Variants in NUTM2B observed in about 807,000 individuals in gnomAD.
NUTM2B encodes the protein family with sequence similarity 22, member B.
Under a neutral mutation model 42.4 loss-of-function variants are expected in NUTM2B, and 2 were observed. The observed-to-expected ratio is 0.05, with a 90% CI of 0.02 to 0.15. The LOEUF is 0.15. Among genes scored for constraint, NUTM2B ranks in the 10% least tolerant of loss-of-function variants. The probability of loss-of-function intolerance (pLI) is 1.00; values close to 1 mark genes in which losing one functional copy is unlikely to be tolerated. For synonymous variants in NUTM2B, 18 were observed against 402.4 expected (o/e 0.04, Z 11.43); for missense variants, 58 against 952.6 (o/e 0.06, Z 12.36).
At chr10:79,694,634 C>T in the NUTM2B span, among the ~76,000 whole-genome samples, 2 of 152,058 alleles carry the variant, frequency 1.3e-5, no homozygotes, top group Non-Finnish European at 2.9e-5. Context: ...TGACCCCCAC[C>T]CCTGCCAGGC....
chr10:79,702,630 G>A (rs574254033), upstream of NUTM2B, among the ~76,000 whole-genome samples: 4,039 of 150,424 alleles, frequency 0.027, 293 homozygotes, highest in African/African-American at 0.095. Context: ...GTGTGCACCG[G>A]TCTGGCTGAA....
the NUTM2B span, among the ~76,000 whole-genome samples, chr10:79,698,215 C>A: frequency 2.7e-5 from 4 of 149,970 alleles, no homozygotes; most frequent in Non-Finnish European, 5.9e-5. Flanking sequence ...TATACGCACA[C>A]AACTTTCATA....
the NUTM2B span, among the ~76,000 whole-genome samples, chr10:79,693,714 T>A: frequency 1.8e-4 from 27 of 152,192 alleles, no homozygotes; most frequent in African/African-American, 4.8e-4. Context: ...TGCATTTTTT[T>A]AAGACATATA....
chr10:79,702,339 C>T (rs1840327080), upstream of NUTM2B, among the ~76,000 whole-genome samples: 1 of 151,618 alleles, frequency 6.6e-6, no homozygotes, highest in Admixed American at 6.6e-5. Flanking sequence ...AGACATTTCA[C>T]AGAAATGCTT....
chr10:79,705,828 CA>C lies in NUTM2B; in HGVS notation c.383-213del, dbSNP rs1027019525. On this transcript the variant is annotated intron_variant, in intron 1 of 6. Coordinates refer to ENST00000429828, the Ensembl canonical transcript of NUTM2B. ...GGCTTGGCTGTTACTTCTTGGGAGA[CA>C]GGGGTCAGGGAGTCTTGGTGACCGG... Among the ~76,000 whole-genome samples, 88 of 148,560 alleles carry C rather than the reference CA, an allele frequency of 5.9e-4. 1 individual carries two copies. Among genetic ancestry groups the C allele is most frequent in the Non-Finnish European group, 3.7e-4 (25 of 67,196 alleles).
At chr10:79,699,077 T>C (rs997853027), upstream of NUTM2B, among the ~76,000 whole-genome samples, 3 of 151,744 alleles carry the variant, frequency 2.0e-5, no homozygotes, top group African/African-American at 7.3e-5. Flanking sequence ...CACATTGAAA[T>C]AGCCATACAC....
At chr10:79,707,047 C>T (rs202035439) in intron 2 of NUTM2B, among the ~76,000 whole-genome samples, 1 of 120,684 alleles carries the variant, frequency 8.3e-6, no homozygotes, top group Admixed American at 8.7e-5. Flanking sequence ...ACGTGAGCTA[C>T]GGTTTGGGTT....
At chr10:79,695,246 T>C in the NUTM2B span, among the ~76,000 whole-genome samples, 1 of 152,180 alleles carries the variant, frequency 6.6e-6, no homozygotes, top group South Asian at 2.1e-4. Context: ...GAAGACTCCT[T>C]GTGAAGACTA....
upstream of NUTM2B, among the ~76,000 whole-genome samples, chr10:79,700,060 A>G (rs1425189224): frequency 3.3e-5 from 5 of 152,214 alleles, no homozygotes; most frequent in South Asian, 6.2e-4. Flanking sequence ...TAAATCCCAC[A>G]TAAGTAAGCG....
At chr10:79,705,704 G>A (rs2262022) in intron 1 of NUTM2B, among the ~76,000 whole-genome samples, 1 of 145,368 alleles carries the variant, frequency 6.9e-6, no homozygotes, top group Non-Finnish European at 1.5e-5. Flanking sequence ...AGGACCACCA[G>A]GCCGCTGAGA....
At chr10:79,695,475 G>C in the NUTM2B span, among the ~76,000 whole-genome samples, 1 of 152,132 alleles carries the variant, frequency 6.6e-6, no homozygotes, top group Non-Finnish European at 1.5e-5. Flanking sequence ...TCAACACTGG[G>C]TACCTGCTGG....
chr10:79,697,666 AT>A, the NUTM2B span, among the ~76,000 whole-genome samples: 1 of 152,246 alleles, frequency 6.6e-6, no homozygotes, highest in South Asian at 2.1e-4. Flanking sequence ...TTCTTTTGTT[AT>A]TTTTTTAAGA....
chr10:79,700,888 C>T (rs983541470), upstream of NUTM2B, among the ~76,000 whole-genome samples: 1 of 152,212 alleles, frequency 6.6e-6, no homozygotes, highest in Non-Finnish European at 1.5e-5. Flanking sequence ...GACGCGGCAC[C>T]TGGGTGCTTC....
At chr10:79,700,851 G>A (rs1255243515), upstream of NUTM2B, among the ~76,000 whole-genome samples, 4 of 152,232 alleles carry the variant, frequency 2.6e-5, no homozygotes, top group African/African-American at 9.6e-5. Flanking sequence ...CCCTAGGAGG[G>A]CCCCGCTGGA....
chr10:79,702,325 G>T (rs1172181567), upstream of NUTM2B, among the ~76,000 whole-genome samples: 2 of 151,876 alleles, frequency 1.3e-5, no homozygotes, highest in Non-Finnish European at 2.9e-5. Context: ...AGTGGCCACT[G>T]TGGAGACATT....
At chr10:79,705,221 C>T (rs1840366332) in intron 1 of NUTM2B, among the ~76,000 whole-genome samples, 2 of 138,222 alleles carry the variant, frequency 1.4e-5, no homozygotes, top group Non-Finnish European at 3.1e-5. Context: ...CCCCTGTTAG[C>T]TCTGCTGCTC....
At chr10:79,699,024 C>A (rs150874398), upstream of NUTM2B, among the ~76,000 whole-genome samples, 150 of 150,300 alleles carry the variant, frequency 1.0e-3, no homozygotes, top group African/African-American at 3.6e-3. Flanking sequence ...TAACTGCACA[C>A]GTTCATCCTA....
chr10:79,702,364 G>T (rs1321377323), upstream of NUTM2B, among the ~76,000 whole-genome samples: 95 of 150,288 alleles, frequency 6.3e-4, no homozygotes, highest in African/African-American at 2.3e-3. Flanking sequence ...GACCATTCAG[G>T]TTCAGAGTTG....
At chr10:79,707,267 G>A (rs1840410488) in intron 2 of NUTM2B, among the ~76,000 whole-genome samples, 1 of 121,772 alleles carries the variant, frequency 8.2e-6, no homozygotes, top group Admixed American at 8.4e-5. Flanking sequence ...ATGCCGGGCA[G>A]GTATTTGCAT....
Sources: allele counts gnomAD v4.1 joint callset (sites outside exome capture counted in the v4.1 genomes callset), GRCh38; gene constraint gnomAD v4.1.1; transcripts MANE v1.5; gene names NCBI Gene and HGNC (gene_info 2026-07-23, HGNC 2026-07-21).